Variants in BRD10 observed in about 807,000 individuals in gnomAD.
The protein encoded by BRD10 is bromodomain containing 10, also known as uncharacterized bromodomain-containing protein 10.
At chr9:5,889,433 A>G in the BRD10 span, among the ~76,000 whole-genome samples, 3 of 152,350 alleles carry the variant, frequency 2.0e-5, no homozygotes, top group South Asian at 6.2e-4. Flanking sequence ...AGGAATAAAC[A>G]AACTTATTTT....
chr9:5,908,549 G>A, the BRD10 span: 1 of 1,132,174 alleles, frequency 8.8e-7, no homozygotes, highest in Non-Finnish European at 1.3e-6. Flanking sequence ...CACAGGGAAA[G>A]TATAAATATG....
At chr9:5,969,357 G>C in the BRD10 span, 4 of 1,611,216 alleles carry the variant, frequency 2.5e-6, no homozygotes, top group East Asian at 8.9e-5. Flanking sequence ...GGAGCTGCTT[G>C]AGCTAGAAGT....
chr9:5,892,524 A>G, the BRD10 span: 42 of 1,613,694 alleles, frequency 2.6e-5, no homozygotes, highest in Non-Finnish European at 3.6e-5. Context: ...AAGAAGGGGC[A>G]CGGCCACTCT....
the BRD10 span, among the ~76,000 whole-genome samples, chr9:5,973,202 C>T: frequency 1.3e-5 from 2 of 152,196 alleles, no homozygotes; most frequent in Non-Finnish European, 2.9e-5. Context: ...CCCTGTGGCT[C>T]GTGCCTGTAA....
the BRD10 span, among the ~76,000 whole-genome samples, chr9:5,940,194 G>C: frequency 2.2e-4 from 34 of 151,264 alleles, no homozygotes; most frequent in African/African-American, 7.8e-4. Flanking sequence ...TTTTTGTTTT[G>C]AGATAGTCTT....
At chr9:5,919,881 A>C in the BRD10 span, 2 of 1,614,012 alleles carry the variant, frequency 1.2e-6, no homozygotes, top group South Asian at 2.2e-5. Flanking sequence ...GGTGGGTCCA[A>C]ATGAAACACT....
the BRD10 span, among the ~76,000 whole-genome samples, chr9:5,993,155 A>C: frequency 6.6e-6 from 1 of 151,968 alleles, no homozygotes; most frequent in Non-Finnish European, 1.5e-5. Context: ...ATCTCTACTA[A>C]TAATAAAAAA....
At chr9:5,924,216 T>G in the BRD10 span, among the ~76,000 whole-genome samples, 6 of 152,098 alleles carry the variant, frequency 3.9e-5, no homozygotes, top group South Asian at 1.2e-3. Flanking sequence ...TAATGGGCAA[T>G]GACAGGCCTA....
chr9:5,885,579 G>T, the BRD10 span, among the ~76,000 whole-genome samples: 1 of 151,852 alleles, frequency 6.6e-6, no homozygotes, highest in Non-Finnish European at 1.5e-5. Flanking sequence ...CTCCATGTTG[G>T]TCAGGCTAGT....
the BRD10 span, among the ~76,000 whole-genome samples, chr9:5,905,107 C>T: frequency 2.6e-5 from 4 of 152,056 alleles, no homozygotes; most frequent in Non-Finnish European, 4.4e-5. Context: ...CAGTGGTTTC[C>T]CTAGAGTTTG....
At chr9:5,976,644 T>C in the BRD10 span, among the ~76,000 whole-genome samples, 2 of 152,180 alleles carry the variant, frequency 1.3e-5, no homozygotes, top group African/African-American at 4.8e-5. Flanking sequence ...ATGTTGTTTA[T>C]GGCAGATTTC....
the BRD10 span, among the ~76,000 whole-genome samples, chr9:5,994,614 A>C: frequency 6.6e-6 from 1 of 152,148 alleles, no homozygotes; most frequent in Non-Finnish European, 1.5e-5. Context: ...AGCTATTCAC[A>C]TAGATAACCA....
the BRD10 span, among the ~76,000 whole-genome samples, chr9:5,943,284 A>G: frequency 6.6e-6 from 1 of 152,166 alleles, no homozygotes; most frequent in African/African-American, 2.4e-5. Flanking sequence ...TTCTCCTATA[A>G]TATATACCAT....
At chr9:5,986,571 C>T in the BRD10 span, among the ~76,000 whole-genome samples, 6 of 152,222 alleles carry the variant, frequency 3.9e-5, no homozygotes, top group African/African-American at 1.4e-4. Context: ...AACTAATTTA[C>T]ATTCCCACCA....
chr9:5,911,645 G>C, the BRD10 span, among the ~76,000 whole-genome samples: 1 of 149,540 alleles, frequency 6.7e-6, no homozygotes, highest in South Asian at 2.1e-4. Context: ...AGCTATTCTT[G>C]TGCCTCAGCC....
chr9:5,977,623 A>G, the BRD10 span, among the ~76,000 whole-genome samples: 1 of 152,168 alleles, frequency 6.6e-6, no homozygotes, highest in African/African-American at 2.4e-5. Context: ...TGAGGTGGGC[A>G]GATCACGAGG....
chr9:5,988,550 GAGA>G, the BRD10 span: 2 of 1,610,332 alleles, frequency 1.2e-6, no homozygotes, highest in Non-Finnish European at 1.7e-6. Flanking sequence ...AAGTGCCTTG[GAGA>G]AGAATAAGTC....
At chr9:5,992,591 T>C in the BRD10 span, among the ~76,000 whole-genome samples, 4 of 152,306 alleles carry the variant, frequency 2.6e-5, no homozygotes, top group African/African-American at 9.6e-5. Flanking sequence ...TTTCTGTCTA[T>C]TAGGGAAATC....
At chr9:5,988,298 A>G in the BRD10 span, 1 of 1,466,812 alleles carries the variant, frequency 6.8e-7, no homozygotes, top group Admixed American at 1.7e-5. Flanking sequence ...ATATGGGCAC[A>G]TAAAAATTAT....
Sources: allele counts gnomAD v4.1 joint callset (sites outside exome capture counted in the v4.1 genomes callset), GRCh38; gene constraint gnomAD v4.1.1; transcripts MANE v1.5; gene names NCBI Gene and HGNC (gene_info 2026-07-23, HGNC 2026-07-21).